The following PALLD variants were observed in gnomAD, a reference collection of about 807,000 sequenced individuals.
The protein encoded by PALLD is palladin.
A neutral mutation model predicts 123.5 loss-of-function variants in PALLD; 61 were observed. That is an observed-to-expected ratio of 0.49 (90% CI 0.40 to 0.61). The LOEUF is 0.61. Among genes scored for constraint, PALLD ranks in the 20% least tolerant of loss-of-function variants. The pLI is 0.00. For missense variants in PALLD, 1,273 were observed against 1,377.0 expected (o/e 0.92, Z 1.20); for synonymous variants, 465 against 496.4 (o/e 0.94, Z 0.84).
rs149601773 is a variant in PALLD, at chr4:168,753,814, C to T, written c.1964+41891C>T. On this transcript the variant is annotated intron_variant, in intron 10 of 21. Transcript: ENST00000505667. Reference sequence around the variant, plus strand: ...CCATAGTCAGGCCTTTAGCTGACTGCGGCCTTGGTCAACATCCTGACTGCA... The same window carrying T: ...CCATAGTCAGGCCTTTAGCTGACTGTGGCCTTGGTCAACATCCTGACTGCA... Among the ~76,000 whole-genome samples the T allele has an allele frequency of 2.9e-3, 440 of 152,274 alleles. 4 individuals are homozygous for T. Among genetic ancestry groups the T allele is most frequent in the African/African-American group, 9.8e-3 (409 of 41,554 alleles).
In PALLD at chr4:168,926,407, G is replaced by GA. The variant is rs1262060459; in HGVS notation, c.*230dup. ...GTAATCCAGCATTCTTGTTAAAGCT[G>GA]AAACACTGAAACAGCCATTGCCTTG... On this transcript the variant is annotated 3_prime_UTR_variant, in exon 22 of 22. Coordinates refer to ENST00000505667, the MANE Select transcript of PALLD (RefSeq NM_001166108.2). The GA allele has an allele frequency of 6.6e-7, 1 of 1,509,422 alleles. No individual in the cohort carries two copies. The highest frequency in any genetic ancestry group is 8.9e-7 in the Non-Finnish European group (1 of 1,121,780). 93.5% of individuals were successfully genotyped at this position (1,509,422 alleles called of 1,614,324 possible).
intron 3 of PALLD, among the ~76,000 whole-genome samples, chr4:168,669,660 C>A (rs1363667929): frequency 6.6e-6 from 1 of 152,086 alleles, no homozygotes; most frequent in Non-Finnish European, 1.5e-5. Flanking sequence ...AAAGTATGTA[C>A]CTTTACTTTC....
At chr4:168,786,054 G>A (rs1438987243) in intron 10 of PALLD, among the ~76,000 whole-genome samples, 3 of 151,808 alleles carry the variant, frequency 2.0e-5, no homozygotes, top group Non-Finnish European at 4.4e-5. Flanking sequence ...TGTCGGCCGG[G>A]CGCAGTGGCT....
chr4:168,742,516 G>A (rs1788453701), intron 10 of PALLD, among the ~76,000 whole-genome samples: 1 of 152,146 alleles, frequency 6.6e-6, no homozygotes, highest in Non-Finnish European at 1.5e-5. Flanking sequence ...ACTTCATTTG[G>A]CTAGAAGGTC....
At chr4:168,603,799 G>T (rs1268256228) in intron 2 of PALLD, among the ~76,000 whole-genome samples, 4 of 152,146 alleles carry the variant, frequency 2.6e-5, no homozygotes, top group African/African-American at 4.8e-5. Context: ...ATGCAAAAAG[G>T]TTCCATAGTA....
intron 10 of PALLD, among the ~76,000 whole-genome samples, chr4:168,755,060 G>A (rs1373931601): frequency 2.0e-5 from 3 of 151,978 alleles, no homozygotes; most frequent in African/African-American, 7.3e-5. Flanking sequence ...GTGAAACCCC[G>A]TCTCTACTAA....
At chr4:168,538,893 G>GA (rs1765340966) in intron 2 of PALLD, among the ~76,000 whole-genome samples, 1 of 152,136 alleles carries the variant, frequency 6.6e-6, no homozygotes, top group Admixed American at 6.5e-5. Context: ...CTCTGTTTCC[G>GA]AAACACATAT....
chr4:168,716,922 A>G (rs1785419435), intron 10 of PALLD, among the ~76,000 whole-genome samples: 1 of 152,132 alleles, frequency 6.6e-6, no homozygotes, highest in Admixed American at 6.5e-5. Flanking sequence ...CCTTGCCTGG[A>G]ATGTTCCACT....
chr4:168,787,152 G>A (rs1736875213), intron 10 of PALLD, among the ~76,000 whole-genome samples: 1 of 152,114 alleles, frequency 6.6e-6, no homozygotes, highest in South Asian at 2.1e-4. Context: ...CCAAGTCAGG[G>A]AGTGAAAGAT....
At chr4:168,900,102 C>G (rs1204575475) in intron 14 of PALLD, among the ~76,000 whole-genome samples, 3 of 151,994 alleles carry the variant, frequency 2.0e-5, no homozygotes, top group Non-Finnish European at 4.4e-5. Flanking sequence ...TGGTGGAGGT[C>G]CCAGACTTTT....
chr4:168,755,401 A>T (rs1484793720), intron 10 of PALLD, among the ~76,000 whole-genome samples: 3 of 151,272 alleles, frequency 2.0e-5, no homozygotes, highest in Non-Finnish European at 4.4e-5. Context: ...CTAACGGGGA[A>T]AGATCACGTT....
chr4:168,610,448 A>T (rs1166763618), intron 2 of PALLD, among the ~76,000 whole-genome samples: 1 of 152,124 alleles, frequency 6.6e-6, no homozygotes, highest in African/African-American at 2.4e-5. Flanking sequence ...GTCCCTAGGG[A>T]CTTCGTCGAA....
intron 2 of PALLD, among the ~76,000 whole-genome samples, chr4:168,667,418 T>C (rs1051139364): frequency 2.6e-5 from 4 of 152,198 alleles, no homozygotes; most frequent in Admixed American, 2.6e-4. Flanking sequence ...TGTTTTGTTT[T>C]GTTTGTATGT....
At chr4:168,802,872 A>T (rs1739556773) in intron 10 of PALLD, among the ~76,000 whole-genome samples, 1 of 152,128 alleles carries the variant, frequency 6.6e-6, no homozygotes, top group African/African-American at 2.4e-5. Context: ...ATAGTAGAGT[A>T]GTAGAGACGG....
At chr4:168,574,632 T>C (rs1344958838) in intron 2 of PALLD, among the ~76,000 whole-genome samples, 1 of 152,116 alleles carries the variant, frequency 6.6e-6, no homozygotes, top group Non-Finnish European at 1.5e-5. Flanking sequence ...AGATGCTCAA[T>C]AACAAGTTTG....
chr4:168,521,686 G>C (rs1383481132), intron 2 of PALLD, among the ~76,000 whole-genome samples: 2 of 151,978 alleles, frequency 1.3e-5, no homozygotes, highest in African/African-American at 4.8e-5. Context: ...CAATGGTATA[G>C]AGCCTATGGA....
intron 10 of PALLD, among the ~76,000 whole-genome samples, chr4:168,780,446 T>C (rs1485438334): frequency 6.6e-6 from 1 of 152,224 alleles, no homozygotes; most frequent in East Asian, 1.9e-4. Flanking sequence ...AGAGGCTAGA[T>C]ATTTTGCTGT....
chr4:168,687,526 G>A (rs968642874), intron 6 of PALLD, among the ~76,000 whole-genome samples: 8 of 152,138 alleles, frequency 5.3e-5, no homozygotes, highest in African/African-American at 1.4e-4. Context: ...AGTTGATTTG[G>A]GGGTGCCAGG....
chr4:168,631,574 C>G (rs754764398), intron 2 of PALLD: 61 of 983,836 alleles, frequency 6.2e-5, no homozygotes, highest in Non-Finnish European at 7.4e-5. Context: ...CCCGGCACTC[C>G]GACACACTCC....
Sources: gnomAD v4.1 joint callset for allele counts (sites outside exome capture counted in the v4.1 genomes callset) on GRCh38, gnomAD v4.1.1 for gene constraint, MANE v1.5 for transcripts, NCBI Gene and HGNC (gene_info 2026-07-23, HGNC 2026-07-21) for gene names.